Variants in GNA13 observed in about 807,000 individuals in gnomAD.
GNA13 encodes the protein G protein subunit alpha 13.
In GNA13, 4 loss-of-function variants were observed where a neutral mutation model predicts 33.5. That is an observed-to-expected ratio of 0.12 (90% confidence interval 0.06 to 0.27). The LOEUF is 0.27. Ranked by LOEUF, GNA13 falls within the 10% of genes least tolerant of loss-of-function variation. The pLI is 1.00. For missense variants in GNA13, 319 were observed against 487.2 expected (o/e 0.65, Z 3.25); for synonymous variants, 176 against 183.8 (o/e 0.96, Z 0.34).
chr17:65,026,104 T>G (rs940784659), intron 2 of GNA13, among the ~76,000 whole-genome samples: 1 of 151,894 alleles, frequency 6.6e-6, no homozygotes, highest in Non-Finnish European at 1.5e-5. Context: ...TTACTATGAT[T>G]TTATATATTA....
chr17:65,054,612 G>A (rs1044736275), intron 1 of GNA13, among the ~76,000 whole-genome samples: 1 of 152,152 alleles, frequency 6.6e-6, no homozygotes, highest in African/African-American at 2.4e-5. Context: ...CGCCCAGCCT[G>A]AGAAACTGTT....
At chr17:65,020,266 C>T (rs1236536048) in intron 2 of GNA13, among the ~76,000 whole-genome samples, 6 of 152,282 alleles carry the variant, frequency 3.9e-5, no homozygotes, top group African/African-American at 1.4e-4. Context: ...TGTTAAGGAA[C>T]AGATGTGAAT....
In GNA13 at chr17:65,013,274, T is replaced by C. The variant is rs1429278557; in HGVS notation, c.*983A>G. On this transcript the variant is annotated 3_prime_UTR_variant, in exon 4 of 4. Transcript: ENST00000439174. ...CACAAATGGCACAGTGTGGAGTTGA[T>C]GGGACTGGACAGGACAGCAAAAGAT... 1 of 209,684 alleles carries C rather than the reference T, an allele frequency of 4.8e-6. No homozygotes were observed. Among genetic ancestry groups the C allele is most frequent in the Admixed American group, 5.9e-5 (1 of 16,916 alleles). 13.0% of individuals were successfully genotyped at this position (209,684 alleles called of 1,614,324 possible). A position where few individuals can be genotyped will look rare whatever the true frequency, so the allele number is the denominator to read the frequency against.
intron 2 of GNA13, among the ~76,000 whole-genome samples, chr17:65,030,138 T>TA (rs1906950285): frequency 6.6e-6 from 1 of 152,206 alleles, no homozygotes; most frequent in East Asian, 1.9e-4. Flanking sequence ...ATAAAAGTGA[T>TA]AAAGTATCCT....
Position 65,014,988 on chromosome 17 carries a change from C to T in GNA13, c.562-159G>A, listed in dbSNP as rs2143766829. 6.6e-6 allele frequency among the ~76,000 whole-genome samples: 1 copy of T among 152,290 alleles called. No individual in the cohort carries two copies. The highest frequency in any genetic ancestry group is 2.1e-4 in the South Asian group (1 of 4,826). On this transcript the variant is annotated intron_variant, in intron 3 of 3. Transcript: ENST00000439174. This position sits in a 1 kb window ranked among gnomAD's most constrained non-coding sequence, Gnocchi z 5.3. ...CTTATTATAAAATGCCAAGACTGGT[C>T]AGACATGGTGGGTCATGCCTATAAT...
At chr17:65,019,870 A>C (rs1048031256) in intron 2 of GNA13, among the ~76,000 whole-genome samples, 3 of 152,248 alleles carry the variant, frequency 2.0e-5, no homozygotes, top group Non-Finnish European at 2.9e-5. Flanking sequence ...CTGAAGGGAG[A>C]GATACCCTAT....
Position 65,014,298 on chromosome 17 carries a change from T to A in GNA13, c.1093A>T (p.Thr365Ser), listed in dbSNP as rs144334275. 6.5e-4 allele frequency: 1,055 copies of A among 1,613,174 alleles called. 1 individual carries two copies. The highest frequency in any genetic ancestry group is 7.7e-4 in the Non-Finnish European group (905 of 1,179,084). Residue 365 changes from threonine (T) to serine (S), a missense_variant, in exon 4 of 4, where the codon ACT becomes TCT. By Grantham distance (58) the Thr-to-Ser change is moderately conservative (BLOSUM62 1). Around this residue, in one of 4 missense-constraint regions of GNA13, gnomAD observed 134 missense variants for 241.3 expected, o/e 0.56. Transcript: ENST00000439174. This position sits in a 1 kb window ranked among gnomAD's most constrained non-coding sequence, Gnocchi z 5.3. ...TGCTTGAGGTTGTCATGCAGAATAG[T>A]ATCCTTCACGTCACGGAAAACAAGG... ...IRLVFRDVKDTILHDNLKQLM... is the reference protein window; with the variant it reads ...IRLVFRDVKDSILHDNLKQLM...
intron 2 of GNA13, among the ~76,000 whole-genome samples, chr17:65,045,507 C>CA (rs369520601): frequency 0.78 from 67,728 of 86,892 alleles, 26,486 homozygotes; most frequent in South Asian, 0.88. Flanking sequence ...GACTCTGTCT[C>CA]AAAAAAAAAA....
intron 2 of GNA13, among the ~76,000 whole-genome samples, chr17:65,035,781 ATTTTTTT>A (rs367585696): frequency 6.8e-6 from 1 of 146,798 alleles, no homozygotes; most frequent in Non-Finnish European, 1.5e-5. Flanking sequence ...TTCGTTGTTA[ATTTTTTT>A]TTTTTTTGGA....
At chr17:65,055,652 G>A in intron 1 of GNA13, 3 of 985,218 alleles carry the variant, frequency 3.0e-6, no homozygotes, top group Non-Finnish European at 3.6e-6. Flanking sequence ...AACTGTATGG[G>A]TCCACTCTCT....
intron 2 of GNA13, among the ~76,000 whole-genome samples, chr17:65,028,342 G>C (rs932120362): frequency 6.6e-6 from 1 of 150,426 alleles, no homozygotes; most frequent in Admixed American, 6.6e-5. Flanking sequence ...CCGGGAGGCA[G>C]AGGTTGCAGT....
At chr17:65,025,281 T>C (rs961215129) in intron 2 of GNA13, among the ~76,000 whole-genome samples, 1 of 152,178 alleles carries the variant, frequency 6.6e-6, no homozygotes, top group Admixed American at 6.5e-5. Flanking sequence ...TTTTGGGATA[T>C]CTGAATCATA....
chr17:65,044,763 A>G (rs1302206621), intron 2 of GNA13, among the ~76,000 whole-genome samples: 1 of 151,988 alleles, frequency 6.6e-6, no homozygotes. Flanking sequence ...TAAAAAGTTA[A>G]CAATAGGCCG....
At chr17:65,043,522 A>G (rs1907539892) in intron 2 of GNA13, among the ~76,000 whole-genome samples, 1 of 152,152 alleles carries the variant, frequency 6.6e-6, no homozygotes. Flanking sequence ...CCTGGACTCA[A>G]GCAATCTGCT....
At chr17:65,023,037 G>C (rs1906640246) in intron 2 of GNA13, among the ~76,000 whole-genome samples, 1 of 152,230 alleles carries the variant, frequency 6.6e-6, no homozygotes, top group Non-Finnish European at 1.5e-5. Context: ...TGAAGTGACT[G>C]AAGAACCAGC....
intron 2 of GNA13, among the ~76,000 whole-genome samples, chr17:65,025,514 CG>C (rs1567819435): frequency 1.3e-5 from 2 of 152,260 alleles, no homozygotes; most frequent in Non-Finnish European, 1.5e-5. Context: ...CATTACTGAA[CG>C]TGCTGAGAAG....
chr17:65,053,869 C>A, intron 1 of GNA13, 141 bp from the exon 2 acceptor site: 1 of 607,342 alleles, frequency 1.6e-6, no homozygotes, highest in African/African-American at 1.8e-5. Flanking sequence ...ACATCGAAAA[C>A]AAATGTAACT....
rs142687403 is a variant in GNA13 at position 65,036,405 on chromosome 17, C to T, written c.510+17097G>A. ...ACAACCCGGAGTCTGAATCTTGGCTCTATCACTAAAACTAGCTGGGCCAGG... is the reference window on the plus strand; with the variant it reads ...ACAACCCGGAGTCTGAATCTTGGCTTTATCACTAAAACTAGCTGGGCCAGG... On this transcript the variant is annotated intron_variant, in intron 2 of 3. Coordinates refer to ENST00000439174, the MANE Select transcript of GNA13 (RefSeq NM_006572.6). Among the ~76,000 whole-genome samples the T allele has an allele frequency of 3.3e-5, 5 of 152,310 alleles. No homozygotes were observed. The East Asian group carries it at 9.7e-4, about 29-fold the overall frequency.
chr17:65,052,132 T>C (rs889943423), intron 2 of GNA13: 13 of 152,172 alleles, frequency 8.5e-5, no homozygotes, highest in African/African-American at 2.9e-4. Context: ...GGTGACATCA[T>C]CAAACAACTT....
Sources: gnomAD v4.1 joint callset for allele counts (sites outside exome capture counted in the v4.1 genomes callset) on GRCh38, gnomAD v4.1.1 for gene constraint, gnomAD v4.1.1 regional missense constraint, Gnocchi (gnomAD v3.1) non-coding constraint, MANE v1.5 for transcripts, NCBI Gene and HGNC (gene_info 2026-07-23, HGNC 2026-07-21) for gene names.